DTL: variants seen among roughly 807,000 people sequenced by gnomAD.
DTL encodes the protein denticleless protein homolog.
Under a neutral mutation model 87.0 loss-of-function variants are expected in DTL, and 46 were observed. The ratio of observed to expected loss-of-function variants is 0.53; its 90% confidence interval spans 0.42 to 0.68. The LOEUF (loss-of-function observed/expected upper bound fraction) is 0.68. Ranked by LOEUF, DTL falls within the 30% of genes least tolerant of loss-of-function variation. The pLI, the probability that DTL is intolerant of heterozygous loss-of-function variation, is 0.00. For missense variants in DTL, 737 were observed against 869.4 expected, an observed-to-expected ratio of 0.85 and a Z score of 1.91; for synonymous variants, 308 against 311.2, an observed-to-expected ratio of 0.99 and a Z score of 0.11.
chr1:212,071,204 A>C (rs1471268210), intron 10 of DTL, among the ~76,000 whole-genome samples: 1 of 152,188 alleles, frequency 6.6e-6, no homozygotes, highest in African/African-American at 2.4e-5. Flanking sequence ...TCCTGTGAGC[A>C]CTTATGGGAA....
At chr1:212,038,282 A>G (rs1168357472) in intron 1 of DTL, among the ~76,000 whole-genome samples, 4 of 152,228 alleles carry the variant, frequency 2.6e-5, no homozygotes, top group African/African-American at 9.6e-5. Flanking sequence ...ATTGTACAAA[A>G]TTATGTTATT....
At chr1:212,062,977 A>G (rs746695675) in intron 6 of DTL, 28 bp downstream of exon 6, 1 of 1,556,286 alleles carries the variant, frequency 6.4e-7, no homozygotes, top group Admixed American at 1.7e-5. Flanking sequence ...TAATTTTGAG[A>G]GATTTGGGAT....
chr1:212,049,356 G>A (rs1034545111), intron 5 of DTL, among the ~76,000 whole-genome samples: 4 of 152,164 alleles, frequency 2.6e-5, no homozygotes, highest in African/African-American at 9.7e-5. Context: ...AGTTAGGTAT[G>A]CTTGTGTTCT....
chr1:212,089,138 G>C (rs1246129050), intron 13 of DTL, among the ~76,000 whole-genome samples: 1 of 152,116 alleles, frequency 6.6e-6, no homozygotes, highest in Non-Finnish European at 1.5e-5. Context: ...ATAATTCTTC[G>C]AAGGAACTGA....
chr1:212,075,036 A>C (rs1443258210), intron 11 of DTL, among the ~76,000 whole-genome samples: 1 of 152,208 alleles, frequency 6.6e-6, no homozygotes, highest in Non-Finnish European at 1.5e-5. Flanking sequence ...ATAGCATCGA[A>C]GTGGTTATAA....
intron 3 of DTL, among the ~76,000 whole-genome samples, chr1:212,046,195 A>G (rs1387281325): frequency 1.3e-5 from 2 of 152,216 alleles, no homozygotes; most frequent in East Asian, 1.9e-4. Flanking sequence ...CTCATGTGGT[A>G]ATTAAGGGAA....
chr1:212,100,895 G>T lies in DTL; in HGVS notation c.1905G>T (p.Thr635=). 1 of 1,614,156 alleles carries T rather than the reference G, an allele frequency of 6.2e-7. No homozygotes were observed. Among genetic ancestry groups the T allele is most frequent in the Non-Finnish European group, 8.5e-7 (1 of 1,180,020 alleles). The change falls in exon 14 of 15, where the codon ACG becomes ACT. Residue 635 remains threonine, a synonymous_variant. Transcript: ENST00000366991. ...CGTATGCTTCAGAAAGCTGTGGAAC[G>T]CTACCTCTTCCTTTGAGACCTTGTG... The part of the protein sequence containing the change: ...ISPYASESCG[T]LPLPLRPCGE...
intron 2 of DTL, among the ~76,000 whole-genome samples, chr1:212,043,735 CAA>C (rs1362479319): frequency 6.7e-6 from 1 of 148,472 alleles, no homozygotes; most frequent in African/African-American, 2.5e-5. Flanking sequence ...GATGCTGAGA[CAA>C]GAGACTCACT....
intron 13 of DTL, among the ~76,000 whole-genome samples, chr1:212,093,784 CGTGGCA>C (rs911167942): frequency 6.6e-6 from 1 of 152,076 alleles, no homozygotes; most frequent in African/African-American, 2.4e-5. Flanking sequence ...AGGATGGGGG[CGTGGCA>C]GGCCAAGGTG....
intron 5 of DTL, among the ~76,000 whole-genome samples, chr1:212,060,639 G>T (rs1285095776): frequency 6.6e-6 from 1 of 151,348 alleles, no homozygotes; most frequent in Non-Finnish European, 1.5e-5. Flanking sequence ...GAAGGCTGAG[G>T]CATGAGAATC....
chr1:212,081,494 A>G (rs1051748053), intron 13 of DTL, among the ~76,000 whole-genome samples: 5 of 152,246 alleles, frequency 3.3e-5, no homozygotes, highest in African/African-American at 1.2e-4. Flanking sequence ...GCAGAAGAGT[A>G]TCATAATTTG....
At chr1:212,048,801 C>G (rs1360278844) in intron 5 of DTL, among the ~76,000 whole-genome samples, 1 of 150,746 alleles carries the variant, frequency 6.6e-6, no homozygotes, top group Non-Finnish European at 1.5e-5. Flanking sequence ...ATTACAATCT[C>G]CTTTATCACT....
intron 5 of DTL, 79 bp downstream of exon 5, chr1:212,047,496 C>G (rs745409766): frequency 6.4e-7 from 1 of 1,552,912 alleles, no homozygotes; most frequent in Non-Finnish European, 8.8e-7. Context: ...TGTTTCTACC[C>G]TTTCCCCTGT....
chr1:212,095,905 A>G (rs1655432455), intron 13 of DTL, among the ~76,000 whole-genome samples: 1 of 152,102 alleles, frequency 6.6e-6, no homozygotes, highest in Non-Finnish European at 1.5e-5. Context: ...TTTAGGGAGT[A>G]TTCCCTCTTT....
At chr1:212,057,373 A>T (rs1025363287) in intron 5 of DTL, among the ~76,000 whole-genome samples, 3 of 142,294 alleles carry the variant, frequency 2.1e-5, no homozygotes, top group Non-Finnish European at 4.7e-5. Flanking sequence ...AAAAAAAAAA[A>T]CCTGCCACCC....
intron 10 of DTL, among the ~76,000 whole-genome samples, chr1:212,069,787 A>G (rs1279335085): frequency 6.6e-6 from 1 of 151,156 alleles, no homozygotes; most frequent in African/African-American, 2.4e-5. Flanking sequence ...CTCATGATCC[A>G]CCCACCTCAG....
At chr1:212,062,466 T>C (rs1654357027) in intron 5 of DTL, among the ~76,000 whole-genome samples, 1 of 152,176 alleles carries the variant, frequency 6.6e-6, no homozygotes, top group Non-Finnish European at 1.5e-5. Flanking sequence ...AGGAATACCT[T>C]TACAAGTTAC....
At chr1:212,090,216 T>C (rs982806539) in intron 13 of DTL, among the ~76,000 whole-genome samples, 4 of 152,158 alleles carry the variant, frequency 2.6e-5, no homozygotes, top group Non-Finnish European at 5.9e-5. Flanking sequence ...AAACATATGG[T>C]TGATGAGAAA....
chr1:212,054,653 G>T (rs1668108619), intron 5 of DTL, among the ~76,000 whole-genome samples: 2 of 151,806 alleles, frequency 1.3e-5, no homozygotes, highest in African/African-American at 2.4e-5. Flanking sequence ...AAATTAGCCG[G>T]GTGTGGTGAC....
Sources: gnomAD v4.1 joint callset for allele counts (sites outside exome capture counted in the v4.1 genomes callset) on GRCh38, gnomAD v4.1.1 for gene constraint, MANE v1.5 for transcripts, NCBI Gene and HGNC (gene_info 2026-07-23, HGNC 2026-07-21) for gene names.